Variants in TFEC observed in about 807,000 individuals in gnomAD.
TFEC encodes transcription factor EC.
In TFEC, 31 loss-of-function variants were observed where a neutral mutation model predicts 41.6. That is an observed-to-expected ratio of 0.74 (90% CI 0.56 to 1.01). The LOEUF (loss-of-function observed/expected upper bound fraction) is 1.01. TFEC is among the 50% of genes least tolerant of loss of function. The pLI, the probability that TFEC is intolerant of heterozygous loss-of-function variation, is 0.00. For missense variants in TFEC, 402 were observed against 404.1 expected (o/e 0.99, Z 0.04); for synonymous variants, 143 against 140.6 (o/e 1.02, Z -0.12).
intron 1 of TFEC, among the ~76,000 whole-genome samples, chr7:116,004,236 T>A (rs1230521593): frequency 6.6e-6 from 1 of 152,034 alleles, no homozygotes; most frequent in Non-Finnish European, 1.5e-5. Context: ...TCTAGCTAAC[T>A]AAGAAAGTTA....
intron 1 of TFEC, among the ~76,000 whole-genome samples, chr7:116,144,156 G>A (rs544869764): frequency 1.3e-5 from 2 of 151,530 alleles, no homozygotes; most frequent in Non-Finnish European, 2.9e-5. Context: ...GTCAGAGGTT[G>A]CAGTGAGCCA....
At chr7:116,144,162 A>G (rs558742962) in intron 1 of TFEC, among the ~76,000 whole-genome samples, 27 of 152,018 alleles carry the variant, frequency 1.8e-4, no homozygotes, top group Non-Finnish European at 3.8e-4. Context: ...GGTTGCAGTG[A>G]GCCAAAATTG....
At chr7:116,056,240 G>A (rs1796427756) in intron 3 of TFEC, among the ~76,000 whole-genome samples, 1 of 151,922 alleles carries the variant, frequency 6.6e-6, no homozygotes, top group Non-Finnish European at 1.5e-5. Context: ...ACTGTCCTTA[G>A]AGACTTTCCA....
chr7:115,991,820 T>C (rs1335794567), intron 1 of TFEC, among the ~76,000 whole-genome samples: 1 of 152,172 alleles, frequency 6.6e-6, no homozygotes. Flanking sequence ...TTAACAAGGA[T>C]ATCCAGGAAT....
intron 1 of TFEC, among the ~76,000 whole-genome samples, chr7:116,117,025 G>T (rs182143212): frequency 6.6e-6 from 1 of 151,722 alleles, no homozygotes; most frequent in African/African-American, 2.4e-5. Context: ...AACAGAAAAA[G>T]AGGATTCCTC....
upstream of TFEC, chr7:116,030,862 A>G (rs1795763507): frequency 4.1e-6 from 4 of 977,904 alleles, no homozygotes; most frequent in Non-Finnish European, 4.9e-6. Context: ...CAGTTAAGGA[A>G]GAAGAAATGA....
intron 3 of TFEC, among the ~76,000 whole-genome samples, chr7:116,052,452 T>C (rs576175839): frequency 6.6e-4 from 100 of 152,104 alleles, no homozygotes; most frequent in Middle Eastern, 3.4e-3. Flanking sequence ...TTGTTTGAGA[T>C]GGAGTCTCAC....
At chr7:115,987,442 C>T (rs1793908964) in intron 1 of TFEC, among the ~76,000 whole-genome samples, 2 of 152,062 alleles carry the variant, frequency 1.3e-5, no homozygotes, top group Admixed American at 6.6e-5. Flanking sequence ...ACTGGATGTG[C>T]CAATATTTTG....
chr7:116,082,021 T>C (rs1045528112), intron 3 of TFEC, among the ~76,000 whole-genome samples: 1 of 152,008 alleles, frequency 6.6e-6, no homozygotes, highest in African/African-American at 2.4e-5. Flanking sequence ...ATATCTTTAG[T>C]ATGGTACTGA....
chr7:115,970,020 A>C (rs1793061788), intron 3 of TFEC, among the ~76,000 whole-genome samples: 1 of 152,052 alleles, frequency 6.6e-6, no homozygotes, highest in Admixed American at 6.6e-5. Context: ...AAAGATATCA[A>C]GTAAGCAGTA....
intron 3 of TFEC, among the ~76,000 whole-genome samples, chr7:116,075,890 C>T (rs1359844644): frequency 6.6e-6 from 1 of 152,180 alleles, no homozygotes; most frequent in Non-Finnish European, 1.5e-5. Flanking sequence ...ATCCCTAGGG[C>T]AAGTTTGCAT....
intron 6 of TFEC, among the ~76,000 whole-genome samples, chr7:115,946,957 C>T (rs2130287970): frequency 6.6e-6 from 1 of 151,364 alleles, no homozygotes; most frequent in Admixed American, 6.6e-5. Flanking sequence ...TTTTAGGGTA[C>T]ATGTGCCAAT....
intron 1 of TFEC, among the ~76,000 whole-genome samples, chr7:116,003,038 A>G (rs2130782309): frequency 6.6e-6 from 1 of 152,304 alleles, no homozygotes; most frequent in Middle Eastern, 3.4e-3. Flanking sequence ...AGAAAATAGT[A>G]ACACATAGAA....
chr7:116,019,979 T>G (rs1265772785), intron 1 of TFEC, among the ~76,000 whole-genome samples: 1 of 152,200 alleles, frequency 6.6e-6, no homozygotes, highest in African/African-American at 2.4e-5. Flanking sequence ...AATAATAGCA[T>G]GAATTGCTAA....
At chr7:116,037,576 A>G (rs1311274839) in intron 3 of TFEC, among the ~76,000 whole-genome samples, 2 of 152,022 alleles carry the variant, frequency 1.3e-5, no homozygotes, top group Admixed American at 1.3e-4. Context: ...TGCGGAAGAA[A>G]TTAGGAAGTG....
At chr7:116,081,007 G>A (rs1797077081) in intron 3 of TFEC, among the ~76,000 whole-genome samples, 1 of 149,308 alleles carries the variant, frequency 6.7e-6, no homozygotes, top group Non-Finnish European at 1.5e-5. Context: ...GTGTGTGTGT[G>A]TGTGTGTGTA....
chr7:115,973,064 A>G (rs1243616627), intron 3 of TFEC, among the ~76,000 whole-genome samples: 1 of 151,904 alleles, frequency 6.6e-6, no homozygotes, highest in Non-Finnish European at 1.5e-5. Flanking sequence ...AAAAAGGTAG[A>G]GTCATCATTC....
At chr7:116,124,678 A>G (rs971768347) in intron 1 of TFEC, among the ~76,000 whole-genome samples, 2 of 152,158 alleles carry the variant, frequency 1.3e-5, no homozygotes, top group Admixed American at 1.3e-4. Flanking sequence ...TAAAATAATT[A>G]GACTATTTTA....
Position 115,978,149 on chromosome 7 carries a change from A to C in TFEC, c.181-3893T>G, listed in dbSNP as rs78247871. On this transcript the variant is annotated intron_variant, in intron 2 of 7. Transcript: ENST00000265440. ...TAAAAGGTTTTGTAATATTTTGTCT[A>C]TAAGAGACACACTTAAAAGTAAACA... is the stretch of plus-strand genomic sequence containing the variant. 8.1e-3 allele frequency among the ~76,000 whole-genome samples: 1,228 copies of C among 152,246 alleles called. 11 individuals are homozygous for C. Among genetic ancestry groups the C allele is most frequent in the African/African-American group, 0.028 (1,154 of 41,574 alleles).
Sources: allele counts gnomAD v4.1 joint callset (sites outside exome capture counted in the v4.1 genomes callset), GRCh38; gene constraint gnomAD v4.1.1; transcripts MANE v1.5; gene names NCBI Gene and HGNC (gene_info 2026-07-23, HGNC 2026-07-21).